The following PCDHA6 variants were observed in gnomAD, a reference collection of about 807,000 sequenced individuals.
The protein encoded by PCDHA6 is protocadherin alpha-6.
A neutral mutation model predicts 60.3 loss-of-function variants in PCDHA6; 55 were observed. That is an observed-to-expected ratio of 0.91 (90% CI 0.73 to 1.14). The LOEUF (loss-of-function observed/expected upper bound fraction) is 1.14, where lower values mean the gene tolerates loss of function less well. PCDHA6 is among the 50% of genes most tolerant of loss of function. The probability of loss-of-function intolerance (pLI) is 0.00; values close to 1 mark genes in which losing one functional copy is unlikely to be tolerated. For synonymous variants in PCDHA6, 652 were observed against 557.9 expected (o/e 1.17, Z -2.38); for missense variants, 1,327 against 1,256.5 (o/e 1.06, Z -0.85).
intron 1 of PCDHA6, chr5:140,848,269 G>A: frequency 2.0e-6 from 1 of 502,308 alleles, no homozygotes; most frequent in Non-Finnish European, 3.5e-6. Context: ...TTTTATTCAT[G>A]AAATATGTAC....
intron 1 of PCDHA6, chr5:140,875,499 G>A (rs782342111): frequency 1.9e-6 from 3 of 1,613,354 alleles, no homozygotes; most frequent in Non-Finnish European, 2.5e-6. Context: ...CAAGAGGCCC[G>A]GGATCCCAGC....
chr5:140,909,550 A>C (rs549281873), intron 1 of PCDHA6, among the ~76,000 whole-genome samples: 2 of 152,232 alleles, frequency 1.3e-5, no homozygotes, highest in East Asian at 3.9e-4. Context: ...GGTGGCACTA[A>C]TCTCTGCAAC....
intron 1 of PCDHA6, chr5:140,859,594 C>G (rs2045925164): frequency 6.1e-6 from 1 of 164,452 alleles, no homozygotes; most frequent in Non-Finnish European, 1.3e-5. Context: ...TGGCTCTTAG[C>G]AATTACTTTT....
At chr5:140,883,021 G>A in intron 1 of PCDHA6, 1 of 1,614,136 alleles carries the variant, frequency 6.2e-7, no homozygotes, top group Non-Finnish European at 8.5e-7. Flanking sequence ...AAGTGACGGT[G>A]TTAGAGAACG....
chr5:140,991,152 C>A (rs533894396), intron 3 of PCDHA6, among the ~76,000 whole-genome samples: 29 of 152,168 alleles, frequency 1.9e-4, no homozygotes, highest in Non-Finnish European at 3.2e-4. Flanking sequence ...TTTTGCTCAC[C>A]ATTGTATTCC....
At chr5:140,911,909 C>G (rs113000456) in intron 1 of PCDHA6, among the ~76,000 whole-genome samples, 17,713 of 152,106 alleles carry the variant, frequency 0.12, 1,155 homozygotes, top group Middle Eastern at 0.19. Flanking sequence ...TCAGAGCTCT[C>G]TAGAGGACAG....
chr5:140,882,234 T>C, intron 1 of PCDHA6: 1 of 1,579,306 alleles, frequency 6.3e-7, no homozygotes, highest in Non-Finnish European at 8.6e-7. Flanking sequence ...GCGTTGTATA[T>C]ATTGCAGATA....
At position 140,849,935 on chromosome 5, in the gene PCDHA6, G is replaced by C. The variant is rs2150458512; in HGVS notation, c.2394+19450G>C. The C allele has an allele frequency of 9.4e-6, 15 of 1,598,054 alleles. 1 individual carries two copies. In the East Asian group the frequency reaches 3.1e-4, roughly 33 times the overall value. On this transcript the variant is annotated intron_variant, in intron 1 of 3. Transcript: ENST00000529310. ...GCCACATCTTCACGGTGTCTGCGCG[G>C]GACGCTGACGCGCAGGAGAACGCCC...
chr5:140,920,773 G>A (rs374394320), intron 1 of PCDHA6, among the ~76,000 whole-genome samples: 41 of 151,942 alleles, frequency 2.7e-4, no homozygotes, highest in African/African-American at 9.2e-4. Flanking sequence ...ACACCTGGGA[G>A]GTGGAGGTTG....
chr5:140,960,575 A>G (rs990834964), intron 1 of PCDHA6, among the ~76,000 whole-genome samples: 4 of 152,186 alleles, frequency 2.6e-5, no homozygotes, highest in Non-Finnish European at 2.9e-5. Flanking sequence ...AAACAGTTGG[A>G]AAACAGTTCA....
intron 1 of PCDHA6, among the ~76,000 whole-genome samples, chr5:140,874,875 C>T (rs1198638735): frequency 2.6e-5 from 4 of 152,134 alleles, no homozygotes; most frequent in African/African-American, 9.7e-5. Flanking sequence ...TTGTTAAATA[C>T]AAATTCCTAA....
intron 1 of PCDHA6, chr5:140,871,461 A>C: frequency 1.2e-6 from 2 of 1,605,278 alleles, no homozygotes; most frequent in South Asian, 2.2e-5. Flanking sequence ...AGGAAGGGGA[A>C]AGACAGGAGC....
Position 140,858,389 on chromosome 5 carries a change from G to A in PCDHA6, c.2394+27904G>A. The A allele has an allele frequency of 1.3e-6, 2 of 1,580,024 alleles. 1 individual carries two copies. Among genetic ancestry groups the A allele is most frequent in the Non-Finnish European group, 1.7e-6 (2 of 1,156,144 alleles). On this transcript the variant is annotated intron_variant, in intron 1 of 3. Transcript: ENST00000529310. ...CAGCCTTCCACCATGCCCAATGGTA[G>A]ATGTGGACGGGGAAGATCAGTCTAT...
chr5:140,830,375 G>T lies in PCDHA6; in HGVS notation c.2284G>T (p.Glu762Ter), dbSNP rs1372928011. 3 of 1,614,054 alleles carry T rather than the reference G, an allele frequency of 1.9e-6. No individual in the cohort carries two copies. The highest frequency in any genetic ancestry group is 2.7e-5 in the African/African-American group (2 of 74,938). Residue 762 changes from glutamate (E) to a stop codon, truncating the protein, a stop_gained, in exon 1 of 4, where the codon GAG becomes TAG. Coordinates refer to ENST00000529310, the MANE Select transcript of PCDHA6 (RefSeq NM_018909.4). LOFTEE classifies it high-confidence loss of function. ...GAGGCGGCAGAGGGTGTGCTCCGGG[G>T]AGGGCCCACCCAAGATGGATCTCAT... ...QQRRQRVCSG[E>*]GPPKMDLMAF... is the part of the protein sequence containing the mutation.
At chr5:140,895,862 A>T (rs1199310977) in intron 1 of PCDHA6, among the ~76,000 whole-genome samples, 1 of 152,136 alleles carries the variant, frequency 6.6e-6, no homozygotes, top group Non-Finnish European at 1.5e-5. Context: ...CCCAGGCTGG[A>T]GTGCAATGGC....
In PCDHA6 at chr5:141,010,461, G is replaced by A; in HGVS notation, c.*524G>A. The A allele has an allele frequency of 1.2e-6, 1 of 823,014 alleles. No homozygotes were observed. The highest frequency in any genetic ancestry group is 1.8e-6 in the Non-Finnish European group (1 of 553,022). The allele number at this position is 823,014 out of a possible 1,614,324, so 51.0% of individuals were successfully genotyped here. A position where few individuals can be genotyped will look rare whatever the true frequency, so the allele number is the denominator to read the frequency against. On this transcript the variant is annotated 3_prime_UTR_variant, in exon 4 of 4. Transcript: ENST00000529310. ...GACAAATAAACAGCGGAAGTTATCA[G>A]TATGGAGGGGAAGTGTAAACTTAAA...
chr5:140,942,023 A>G (rs1391051051), intron 1 of PCDHA6, among the ~76,000 whole-genome samples: 2 of 152,208 alleles, frequency 1.3e-5, no homozygotes, highest in African/African-American at 4.8e-5. Context: ...TTGGGAAAAA[A>G]TAATTCATAA....
Position 140,918,963 on chromosome 5 carries a change from A to C in PCDHA6, c.2395-59986A>C, listed in dbSNP as rs74470631. ...TAATATCCTGAACAGACTAAGACAGATATCGTTTAGGTTAGTTGGTTTTTA... is the reference window on the plus strand; with the variant it reads ...TAATATCCTGAACAGACTAAGACAGCTATCGTTTAGGTTAGTTGGTTTTTA... On this transcript the variant is annotated intron_variant, in intron 1 of 3. Transcript: ENST00000529310. Among the ~76,000 whole-genome samples the C allele has an allele frequency of 4.6e-3, 702 of 152,330 alleles. 2 individuals are homozygous for C. Among genetic ancestry groups the C allele is most frequent in the African/African-American group, 0.016 (679 of 41,576 alleles).
chr5:140,858,335 C>T, intron 1 of PCDHA6: 1 of 1,595,924 alleles, frequency 6.3e-7, no homozygotes, highest in Non-Finnish European at 8.6e-7. Flanking sequence ...GGAGGGCCTG[C>T]CCAAGGCGGA....
Sources: gnomAD v4.1 joint callset for allele counts (sites outside exome capture counted in the v4.1 genomes callset) on GRCh38, gnomAD v4.1.1 for gene constraint, MANE v1.5 for transcripts, NCBI Gene and HGNC (gene_info 2026-07-23, HGNC 2026-07-21) for gene names.